ATP8B4: variants seen among roughly 807,000 people sequenced by gnomAD.
ATP8B4 encodes ATPase phospholipid transporting 8B4 (putative).
In ATP8B4, 133 loss-of-function variants were observed where a neutral mutation model predicts 145.6. The observed-to-expected ratio is 0.91, with a 90% CI of 0.79 to 1.05. The LOEUF (loss-of-function observed/expected upper bound fraction) is 1.05. Among genes scored for constraint, ATP8B4 ranks in the 50% least tolerant of loss-of-function variants. The pLI, the probability that ATP8B4 is intolerant of heterozygous loss-of-function variation, is 0.00. For missense variants in ATP8B4, 1,458 were observed against 1,425.2 expected (o/e 1.02, Z -0.37); for synonymous variants, 507 against 492.9 (o/e 1.03, Z -0.38).
intron 2 of ATP8B4, among the ~76,000 whole-genome samples, chr15:50,103,036 T>A (rs1013725864): frequency 6.6e-6 from 1 of 152,058 alleles, no homozygotes; most frequent in Non-Finnish European, 1.5e-5. Flanking sequence ...TTTGACAAAA[T>A]CCAGCATCCC....
intron 23 of ATP8B4, among the ~76,000 whole-genome samples, chr15:49,890,837 C>T (rs1336919433): frequency 6.6e-6 from 1 of 152,186 alleles, no homozygotes; most frequent in Non-Finnish European, 1.5e-5. Context: ...AGCCAGTCTT[C>T]AATACCGCGA....
At chr15:50,079,598 G>A (rs2054410745) in intron 2 of ATP8B4, among the ~76,000 whole-genome samples, 1 of 152,132 alleles carries the variant, frequency 6.6e-6, no homozygotes. Flanking sequence ...ATCCTCATAA[G>A]GAAGTCATTG....
At chr15:49,999,301 G>A (rs1237204473) in intron 8 of ATP8B4, among the ~76,000 whole-genome samples, 14 of 146,316 alleles carry the variant, frequency 9.6e-5, no homozygotes, top group East Asian at 2.0e-4. Context: ...ACCAAACACC[G>A]CATATTCTCA....
At chr15:49,919,429 T>C (rs1490627218) in intron 18 of ATP8B4, among the ~76,000 whole-genome samples, 1 of 152,188 alleles carries the variant, frequency 6.6e-6, no homozygotes, top group Non-Finnish European at 1.5e-5. Flanking sequence ...TCTTTCTTTT[T>C]TCTTTTGAGA....
chr15:50,064,101 A>G (rs1051622309), intron 3 of ATP8B4, among the ~76,000 whole-genome samples: 2 of 152,136 alleles, frequency 1.3e-5, no homozygotes, highest in African/African-American at 4.8e-5. Flanking sequence ...GCTTTAAAGG[A>G]TAATTCCACA....
chr15:50,064,213 T>C (rs550313652), intron 3 of ATP8B4, among the ~76,000 whole-genome samples: 8 of 152,256 alleles, frequency 5.3e-5, no homozygotes, highest in Non-Finnish European at 1.0e-4. Context: ...CCCTAAACTT[T>C]TGGACAATTG....
chr15:50,031,657 G>A (rs545768505), intron 6 of ATP8B4, among the ~76,000 whole-genome samples: 1 of 151,952 alleles, frequency 6.6e-6, no homozygotes, highest in Admixed American at 6.5e-5. Context: ...CTGACATACT[G>A]GATAAAATCC....
chr15:49,891,429 G>A (rs998314321), intron 23 of ATP8B4, among the ~76,000 whole-genome samples: 4 of 151,970 alleles, frequency 2.6e-5, no homozygotes, highest in African/African-American at 4.8e-5. Context: ...AGGTTCAAGC[G>A]ATTCTCCTAC....
chr15:49,937,422 A>T (rs2041827163), intron 14 of ATP8B4, among the ~76,000 whole-genome samples: 1 of 152,184 alleles, frequency 6.6e-6, no homozygotes, highest in Non-Finnish European at 1.5e-5. Flanking sequence ...AATTCAATAG[A>T]CCTTCACATA....
chr15:50,016,588 A>AGAGCTCTG (rs372398557), intron 6 of ATP8B4, among the ~76,000 whole-genome samples: 6 of 152,186 alleles, frequency 3.9e-5, no homozygotes, highest in African/African-American at 1.4e-4. Flanking sequence ...AAGACCACGG[A>AGAGCTCTG]GAGCTCTGGA....
intron 9 of ATP8B4, among the ~76,000 whole-genome samples, chr15:49,990,487 G>A (rs1359622025): frequency 6.6e-6 from 1 of 152,062 alleles, no homozygotes; most frequent in African/African-American, 2.4e-5. Flanking sequence ...CCCCTCTGAA[G>A]AGAAGACATG....
intron 1 of ATP8B4, among the ~76,000 whole-genome samples, chr15:50,128,895 C>T (rs1192968200): frequency 6.6e-6 from 1 of 152,092 alleles, no homozygotes; most frequent in African/African-American, 2.4e-5. Context: ...TGGTGAAACC[C>T]TGTCTCTACT....
At position 50,015,324 on chromosome 15, in the gene ATP8B4, G is replaced by A. The variant is rs137883759; in HGVS notation, c.363-4407C>T. On this transcript the variant is annotated intron_variant, in intron 6 of 27. Coordinates refer to ENST00000284509, the MANE Select transcript of ATP8B4 (RefSeq NM_024837.4). ...TCTTTTGTACTGTTTAAATTATTTG[G>A]CATTACACATATTAGTATTTTAATG... Among the ~76,000 whole-genome samples the A allele has an allele frequency of 3.2e-4, 49 of 152,204 alleles. 1 individual carries two copies. Among genetic ancestry groups the A allele is most frequent in the Admixed American group, 3.0e-3 (46 of 15,262 alleles).
chr15:50,099,292 T>G (rs28720873), intron 2 of ATP8B4, among the ~76,000 whole-genome samples: 3,983 of 152,282 alleles, frequency 0.026, 169 homozygotes, highest in African/African-American at 0.092. Context: ...TTCTTTTCTT[T>G]TTTTAGAGAC....
chr15:50,029,238 T>TAAAAAAAAAAAAAAAAAAAA (rs58363112), intron 6 of ATP8B4, among the ~76,000 whole-genome samples: 32 of 76,596 alleles, frequency 4.2e-4, no homozygotes, highest in Non-Finnish European at 4.9e-4. Flanking sequence ...GACTCCATCT[T>TAAAAAAAAAAAAAAAAAAAA]AAAAAAAAAA....
chr15:49,863,576 C>T (rs931863746), intron 26 of ATP8B4, among the ~76,000 whole-genome samples: 1 of 152,202 alleles, frequency 6.6e-6, no homozygotes, highest in Non-Finnish European at 1.5e-5. Context: ...TTCAAATGCG[C>T]TTTGGGTATG....
chr15:50,107,777 C>T (rs1036345830), intron 1 of ATP8B4, among the ~76,000 whole-genome samples: 7 of 151,956 alleles, frequency 4.6e-5, no homozygotes, highest in East Asian at 1.9e-4. Flanking sequence ...TGGCAGGATG[C>T]GGCCAACACA....
At chr15:50,053,360 C>T (rs181390440) in intron 3 of ATP8B4, among the ~76,000 whole-genome samples, 4 of 152,336 alleles carry the variant, frequency 2.6e-5, no homozygotes, top group African/African-American at 7.2e-5. Context: ...CTCTTCACCA[C>T]TGTGCTGCCC....
chr15:49,991,576 G>T (rs946513868), intron 9 of ATP8B4, among the ~76,000 whole-genome samples: 2 of 152,018 alleles, frequency 1.3e-5, no homozygotes, highest in African/African-American at 4.8e-5. Context: ...TATTATATTT[G>T]ATCTATAATA....
Sources: allele counts gnomAD v4.1 joint callset (sites outside exome capture counted in the v4.1 genomes callset), GRCh38; gene constraint gnomAD v4.1.1; transcripts MANE v1.5; gene names NCBI Gene and HGNC (gene_info 2026-07-23, HGNC 2026-07-21).